The following PSPC1 variants were observed in gnomAD, a reference collection of about 807,000 sequenced individuals.
PSPC1 encodes paraspeckle protein 1.
PSPC1 carries 14 observed loss-of-function variants against 51.6 expected under a neutral mutation model. The ratio of observed to expected loss-of-function variants is 0.27; its 90% CI spans 0.18 to 0.42. PSPC1 has a LOEUF of 0.42. Ranked by LOEUF, PSPC1 falls within the 10% of genes least tolerant of loss-of-function variation. The probability of loss-of-function intolerance (pLI) is 1.00; values close to 1 mark genes in which losing one functional copy is unlikely to be tolerated. For synonymous variants in PSPC1, 193 were observed against 231.9 expected (o/e 0.83, Z 1.53); for missense variants, 406 against 701.1 (o/e 0.58, Z 4.75).
chr13:19,768,974 CAAA>C (rs35394300), intron 2 of PSPC1, among the ~76,000 whole-genome samples: 1 of 123,950 alleles, frequency 8.1e-6, no homozygotes, highest in Non-Finnish European at 1.7e-5. Flanking sequence ...ATCTCTACTG[CAAA>C]AAAAAAAAAA....
chr13:19,680,059 G>A (rs1349400709), intron 6 of PSPC1, among the ~76,000 whole-genome samples: 2 of 152,032 alleles, frequency 1.3e-5, no homozygotes, highest in African/African-American at 4.8e-5. Flanking sequence ...CTGTCACCCA[G>A]GCTACAATAC....
In PSPC1 at chr13:19,775,355, AAAAT is replaced by A. The variant is rs755684444; in HGVS notation, c.373-2816_373-2813del. Among the ~76,000 whole-genome samples, 245 of 150,976 alleles carry A rather than the reference AAAAT, an allele frequency of 1.6e-3. 1 individual carries two copies. The highest frequency in any genetic ancestry group is 3.1e-3 in the Non-Finnish European group (211 of 67,808). On this transcript the variant is annotated intron_variant, in intron 1 of 8. Coordinates refer to ENST00000338910, the MANE Select transcript of PSPC1 (RefSeq NM_001354909.2). ...TGACAGAGCGAGACTCCGTCTCAAA[AAAAT>A]AAATAGACAAAAAAAAAAAATAAAC...
At chr13:19,687,624 G>A (rs1037914328) in intron 6 of PSPC1, among the ~76,000 whole-genome samples, 1 of 151,408 alleles carries the variant, frequency 6.6e-6, no homozygotes, top group African/African-American at 2.4e-5. Flanking sequence ...CTATCATTTG[G>A]TTTTTTAAAA....
At chr13:19,693,918 T>C (rs1423278183) in intron 6 of PSPC1, among the ~76,000 whole-genome samples, 7 of 151,954 alleles carry the variant, frequency 4.6e-5, no homozygotes, top group African/African-American at 1.7e-4. Flanking sequence ...GGTCAGGAGA[T>C]CGAGACCATG....
chr13:19,671,984 C>G (rs1445470992), downstream of PSPC1: 22 of 1,132,724 alleles, frequency 1.9e-5, 1 homozygote, highest in Non-Finnish European at 2.9e-5. Flanking sequence ...GTCTGTAAAC[C>G]TCTTGCAGTT....
chr13:19,746,606 G>T (rs535385424), intron 4 of PSPC1, among the ~76,000 whole-genome samples: 4 of 151,162 alleles, frequency 2.6e-5, no homozygotes, highest in African/African-American at 9.7e-5. Context: ...ATGCCTGAGG[G>T]AGGAGAATCA....
chr13:19,747,061 T>C (rs1886070771), intron 4 of PSPC1, among the ~76,000 whole-genome samples: 1 of 152,090 alleles, frequency 6.6e-6, no homozygotes, highest in South Asian at 2.1e-4. Flanking sequence ...TATGCCGAGA[T>C]GGCGCCATTT....
chr13:19,749,756 C>G (rs1171979359), intron 4 of PSPC1, among the ~76,000 whole-genome samples: 1 of 151,684 alleles, frequency 6.6e-6, no homozygotes, highest in Non-Finnish European at 1.5e-5. Context: ...CCCTGCCTCC[C>G]AAGTAGCTGG....
chr13:19,719,848 T>C (rs1226987774), intron 6 of PSPC1, among the ~76,000 whole-genome samples: 12 of 152,254 alleles, frequency 7.9e-5, no homozygotes, highest in Middle Eastern at 6.8e-3. Flanking sequence ...GAAGCTTCTA[T>C]TTGGCTGAGA....
At chr13:19,770,073 T>C (rs1267294479) in intron 2 of PSPC1, among the ~76,000 whole-genome samples, 1 of 152,118 alleles carries the variant, frequency 6.6e-6, no homozygotes, top group Non-Finnish European at 1.5e-5. Flanking sequence ...GTCCATACCA[T>C]GGAATATGAC....
At chr13:19,713,226 AAG>A (rs1318477253) in intron 6 of PSPC1, among the ~76,000 whole-genome samples, 14 of 152,218 alleles carry the variant, frequency 9.2e-5, no homozygotes, top group Admixed American at 9.2e-4. Flanking sequence ...ACAAAAAATT[AAG>A]AGTTGTTGTT....
At chr13:19,747,704 T>C (rs1040939474) in intron 4 of PSPC1, among the ~76,000 whole-genome samples, 12 of 151,986 alleles carry the variant, frequency 7.9e-5, no homozygotes, top group African/African-American at 2.2e-4. Context: ...CATATGCAAA[T>C]TTTTTTTCAT....
chr13:19,682,994 G>A (rs2780357), intron 6 of PSPC1, among the ~76,000 whole-genome samples: 3 of 151,986 alleles, frequency 2.0e-5, no homozygotes, highest in African/African-American at 7.3e-5. Flanking sequence ...TTTATGCCCA[G>A]AAGCTCAAGG....
downstream of PSPC1, among the ~76,000 whole-genome samples, chr13:19,698,045 CAG>C (rs1174410002): frequency 1.3e-5 from 2 of 151,972 alleles, no homozygotes; most frequent in African/African-American, 4.8e-5. Context: ...TAAACAGTCA[CAG>C]AAGCCTGGTT....
intron 4 of PSPC1, among the ~76,000 whole-genome samples, chr13:19,750,182 T>C (rs908844181): frequency 2.6e-5 from 4 of 152,122 alleles, no homozygotes; most frequent in African/African-American, 9.7e-5. Flanking sequence ...CAAGATTAGA[T>C]GGCAGAAACG....
chr13:19,736,431 C>T (rs957157749), intron 5 of PSPC1, among the ~76,000 whole-genome samples: 35 of 152,226 alleles, frequency 2.3e-4, no homozygotes, highest in Admixed American at 1.4e-3. Context: ...AGCCTGTAAT[C>T]CCAGCACTTT....
intron 3 of PSPC1, among the ~76,000 whole-genome samples, chr13:19,754,844 C>A (rs1339495715): frequency 6.6e-6 from 1 of 152,150 alleles, no homozygotes; most frequent in East Asian, 1.9e-4. Flanking sequence ...CTCTAACTCC[C>A]AAATCCAAAC....
intron 7 of PSPC1, among the ~76,000 whole-genome samples, chr13:19,677,165 A>T (rs935745891): frequency 2.4e-4 from 37 of 151,204 alleles, no homozygotes; most frequent in Middle Eastern, 6.8e-3. Flanking sequence ...CCCGGGAGGC[A>T]GAGCTTGCAG....
intron 2 of PSPC1, among the ~76,000 whole-genome samples, chr13:19,770,458 G>A (rs937428384): frequency 3.9e-5 from 6 of 151,924 alleles, no homozygotes; most frequent in Admixed American, 1.3e-4. Flanking sequence ...TCAGGAGTTC[G>A]AGACCAGCCT....
Sources: allele counts gnomAD v4.1 joint callset (sites outside exome capture counted in the v4.1 genomes callset), GRCh38; gene constraint gnomAD v4.1.1; transcripts MANE v1.5; gene names NCBI Gene and HGNC (gene_info 2026-07-23, HGNC 2026-07-21).